Variants in PARD3 observed in about 807,000 individuals in gnomAD.
The protein encoded by PARD3 is partitioning defective 3 homolog.
In PARD3, 75 loss-of-function variants were observed where a neutral mutation model predicts 155.4. The ratio of observed to expected loss-of-function variants is 0.48; its 90% confidence interval spans 0.40 to 0.58. The LOEUF (loss-of-function observed/expected upper bound fraction) is 0.58. PARD3 is among the 20% of genes least tolerant of loss of function. The pLI, the probability that PARD3 is intolerant of heterozygous loss-of-function variation, is 0.00. For missense variants in PARD3, 1,642 were observed against 1,721.7 expected, an observed-to-expected ratio of 0.95 and a Z score of 0.82; for synonymous variants, 576 against 610.5, an observed-to-expected ratio of 0.94 and a Z score of 0.83.
chr10:34,409,493 T>C (rs1844831028), intron 5 of PARD3, among the ~76,000 whole-genome samples: 3 of 152,220 alleles, frequency 2.0e-5, no homozygotes, highest in African/African-American at 7.2e-5. Context: ...TAAAAATCAC[T>C]GAATCTAATA....
intron 22 of PARD3, among the ~76,000 whole-genome samples, chr10:34,194,879 A>G (rs1950873365): frequency 6.6e-6 from 1 of 152,214 alleles, no homozygotes; most frequent in South Asian, 2.1e-4. Context: ...TGAGGTGATT[A>G]CATGTATTAG....
At chr10:34,550,861 T>A (rs61416576) in intron 2 of PARD3, among the ~76,000 whole-genome samples, 2 of 152,158 alleles carry the variant, frequency 1.3e-5, no homozygotes, top group Non-Finnish European at 2.9e-5. Context: ...TGCATTATTT[T>A]AAAAAAACAC....
chr10:34,689,283 C>T (rs557503857), intron 2 of PARD3, among the ~76,000 whole-genome samples: 7 of 152,220 alleles, frequency 4.6e-5, no homozygotes, highest in Non-Finnish European at 5.9e-5. Context: ...GCCGTGCGAC[C>T]GACTGCATCA....
At chr10:34,300,489 T>C (rs1156934555) in intron 20 of PARD3, among the ~76,000 whole-genome samples, 1 of 152,126 alleles carries the variant, frequency 6.6e-6, no homozygotes, top group Non-Finnish European at 1.5e-5. Context: ...AAACCATCTC[T>C]ACAAATAAAT....
intron 15 of PARD3, chr10:34,345,772 C>A (rs1295649654): frequency 1.0e-6 from 1 of 985,264 alleles, no homozygotes; most frequent in African/African-American, 1.7e-5. Context: ...CATTCTCTTG[C>A]AAGGTAACGT....
intron 2 of PARD3, chr10:34,676,167 T>C (rs1477425795): frequency 6.6e-6 from 1 of 152,334 alleles, no homozygotes; most frequent in African/African-American, 2.4e-5. Context: ...AGAGGTATTA[T>C]ACTCTTATTC....
chr10:34,800,867 A>G (rs374533334), intron 1 of PARD3, among the ~76,000 whole-genome samples: 170 of 152,290 alleles, frequency 1.1e-3, no homozygotes, highest in African/African-American at 3.8e-3. Context: ...AAAGCTTTCT[A>G]ACACCAAAAG....
At chr10:34,388,232 T>C (rs757328207) in intron 7 of PARD3, among the ~76,000 whole-genome samples, 7 of 152,152 alleles carry the variant, frequency 4.6e-5, no homozygotes, top group Non-Finnish European at 1.0e-4. Flanking sequence ...AACCACACTA[T>C]TAGAATCATT....
At chr10:34,230,542 C>T (rs1187926110) in intron 22 of PARD3, among the ~76,000 whole-genome samples, 10 of 152,168 alleles carry the variant, frequency 6.6e-5, no homozygotes, top group Admixed American at 6.5e-4. Flanking sequence ...TAGGTCTGGA[C>T]TGGCTCTACC....
At chr10:34,226,477 G>T (rs895688923) in intron 22 of PARD3, among the ~76,000 whole-genome samples, 1 of 152,220 alleles carries the variant, frequency 6.6e-6, no homozygotes, top group Admixed American at 6.5e-5. Context: ...TTGAATCCAG[G>T]GGGCAGAGGT....
rs2094917816 is a variant in PARD3 at position 34,736,606 on chromosome 10, AAG to A, written c.121-40189_121-40188del. On this transcript the variant is annotated intron_variant, in intron 1 of 24. Coordinates refer to ENST00000374788, the MANE Select transcript of PARD3 (RefSeq NM_001184785.2). ...AAGAAAGTGACAACTACACTGAAGA[AAG>A]AGTTATTTCAAAATGTTGGAAATAG... is the stretch of plus-strand genomic sequence containing the variant. Among the ~76,000 whole-genome samples, 5 of 152,092 alleles carry A rather than the reference AAG, an allele frequency of 3.3e-5. No individual in the cohort carries two copies. In the South Asian group the frequency reaches 8.3e-4, roughly 25 times the overall value.
chr10:34,239,877 G>GA (rs1953473098), intron 22 of PARD3, among the ~76,000 whole-genome samples: 2 of 151,834 alleles, frequency 1.3e-5, no homozygotes, highest in African/African-American at 4.8e-5. Flanking sequence ...ATCTGAAAAT[G>GA]AAAAAATATG....
At position 34,279,141 on chromosome 10, in the gene PARD3, C is replaced by CTTTTTT. The variant is rs143467605; in HGVS notation, c.3176+4988_3176+4993dup. Among the ~76,000 whole-genome samples, 246 of 102,026 alleles carry CTTTTTT rather than the reference C, an allele frequency of 2.4e-3. 6 individuals carry two copies. Among genetic ancestry groups the CTTTTTT allele is most frequent in the African/African-American group, 9.5e-3 (231 of 24,274 alleles). 66.9% of individuals were successfully genotyped at this position (102,026 alleles called of 152,430 possible). On this transcript the variant is annotated intron_variant, in intron 21 of 24. Coordinates refer to ENST00000374788, the MANE Select transcript of PARD3 (RefSeq NM_001184785.2). ...CTCAAGTATTCATCTATATTTTTTC[C>CTTTTTT]TTTTTTTTTTTTTTTTTTTTTTAGA...
chr10:34,382,785 T>C lies in PARD3; in HGVS notation c.1154A>G (p.Asp385Gly), dbSNP rs80068507. ...ACTCCTGTTGTCAATATACTGGCTG[T>C]CAGGGCTAAAACGGCTTGAATAGTA... ...NNYYSSRFSP[D>G]SQYIDNRSVN... Residue 385 changes from aspartate (D) to glycine (G), a missense_variant, in exon 9 of 25, where the codon GAC (aspartate) becomes GGC (glycine). By Grantham distance (94) the Asp-to-Gly change is moderately conservative (BLOSUM62 -1). Around this residue, in one of 3 missense-constraint regions of PARD3, gnomAD observed 1,529 missense variants for 1,587.3 expected, o/e 0.96. Transcript: ENST00000374788. 3 of 1,614,066 alleles carry C rather than the reference T, an allele frequency of 1.9e-6. No homozygotes were observed. The East Asian group carries it at 6.7e-5, about 36-fold the overall frequency.
At position 34,317,304 on chromosome 10, in the gene PARD3, C is replaced by G; in HGVS notation, c.2868G>C (p.Gly956=). ...CACTGGCTGTGGATACAGACTCTCT[C>G]CCTGATCTTGAACTTTCTTCTGTGT... ...EEDTEESSRS[G]RESVSTASDQ... The change falls in exon 20 of 25, where the codon GGG becomes GGC. Residue 956 remains glycine, a synonymous_variant. Coordinates refer to ENST00000374788, the MANE Select transcript of PARD3 (RefSeq NM_001184785.2). The G allele has an allele frequency of 6.2e-7, 1 of 1,611,228 alleles. No individual in the cohort carries two copies. The highest frequency in any genetic ancestry group is 8.5e-7 in the Non-Finnish European group (1 of 1,179,324).
chr10:34,344,958 G>C, intron 15 of PARD3: 2 of 985,386 alleles, frequency 2.0e-6, no homozygotes, highest in Non-Finnish European at 2.4e-6. Flanking sequence ...GGAGTATGTG[G>C]TTTGAAGGCT....
In PARD3 at chr10:34,423,292, T is replaced by A. The variant is rs189818226; in HGVS notation, c.715-21375A>T. ...ACACTGAACTCATCAAAGTAGAGAGTGGAATTGTGGTTACCTGGGGTTAGG... is the reference window on the plus strand; with the variant it reads ...ACACTGAACTCATCAAAGTAGAGAGAGGAATTGTGGTTACCTGGGGTTAGG... On this transcript the variant is annotated intron_variant, in intron 5 of 24. Coordinates refer to ENST00000374788, the MANE Select transcript of PARD3 (RefSeq NM_001184785.2). Among the ~76,000 whole-genome samples, 324 of 151,760 alleles carry A rather than the reference T, an allele frequency of 2.1e-3. 1 individual carries two copies. Among genetic ancestry groups the A allele is most frequent in the Non-Finnish European group, 3.5e-3 (238 of 67,882 alleles).
At chr10:34,507,115 C>T (rs778005723) in intron 3 of PARD3, among the ~76,000 whole-genome samples, 2 of 152,194 alleles carry the variant, frequency 1.3e-5, no homozygotes, top group Non-Finnish European at 2.9e-5. Context: ...CCTCCAAACA[C>T]ATCTTGCATA....
intron 2 of PARD3, 143 bp downstream of exon 2, chr10:34,696,175 T>C (rs544478187): frequency 1.8e-5 from 10 of 549,558 alleles, no homozygotes; most frequent in East Asian, 2.9e-5. Context: ...ATACTTATTA[T>C]AAAAGAAAAT....
Sources: gnomAD v4.1 joint callset for allele counts (sites outside exome capture counted in the v4.1 genomes callset) on GRCh38, gnomAD v4.1.1 for gene constraint, gnomAD v4.1.1 regional missense constraint, MANE v1.5 for transcripts, NCBI Gene and HGNC (gene_info 2026-07-23, HGNC 2026-07-21) for gene names.